The following NELL1 variants were observed in gnomAD, a reference collection of about 807,000 sequenced individuals.
NELL1 encodes neural EGFL like 1.
In NELL1, 76 loss-of-function variants were observed where a neutral mutation model predicts 107.4. The observed-to-expected ratio is 0.71, with a 90% CI of 0.59 to 0.86. NELL1 has a LOEUF of 0.86. Among genes scored for constraint, NELL1 ranks in the 40% least tolerant of loss-of-function variants. The pLI is 0.00. For missense variants in NELL1, 1,024 were observed against 1,005.5 expected, an observed-to-expected ratio of 1.02 and a Z score of -0.25; for synonymous variants, 353 against 341.2, an observed-to-expected ratio of 1.03 and a Z score of -0.38.
chr11:21,390,797 T>A (rs1474266659), intron 15 of NELL1, among the ~76,000 whole-genome samples: 6 of 151,890 alleles, frequency 4.0e-5, no homozygotes, highest in African/African-American at 1.4e-4. Context: ...GTCCTCCCAA[T>A]ACATTTACAT....
At position 20,838,824 on chromosome 11, in the gene NELL1, A is replaced by G. The variant is rs192263954; in HGVS notation, c.336-8759A>G. On this transcript the variant is annotated intron_variant, in intron 3 of 19. Coordinates refer to ENST00000357134, the MANE Select transcript of NELL1 (RefSeq NM_006157.5). ...TACAATTACCATTACCACTACAACT[A>G]CAACCACCACTATATATTTAGTGCC... 4.1e-3 allele frequency among the ~76,000 whole-genome samples: 627 copies of G among 152,228 alleles called. 4 individuals carry two copies. The highest frequency in any genetic ancestry group is 0.015 in the African/African-American group (604 of 41,548).
intron 12 of NELL1, among the ~76,000 whole-genome samples, chr11:21,093,050 A>G (rs184615973): frequency 5.9e-5 from 9 of 152,282 alleles, no homozygotes; most frequent in African/African-American, 1.9e-4. Flanking sequence ...GTGGAGAGCT[A>G]CTGAATGTTT....
chr11:21,520,812 C>T (rs1212867915), intron 15 of NELL1, among the ~76,000 whole-genome samples: 1 of 152,214 alleles, frequency 6.6e-6, no homozygotes, highest in South Asian at 2.1e-4. Flanking sequence ...GATCTGTATT[C>T]CCTGACCACT....
chr11:21,315,231 A>C (rs1473870533), intron 14 of NELL1, among the ~76,000 whole-genome samples: 1 of 152,212 alleles, frequency 6.6e-6, no homozygotes, highest in African/African-American at 2.4e-5. Flanking sequence ...AAACAGGTGG[A>C]AAAGTCAGAA....
At chr11:20,686,339 G>T (rs551853246) in intron 2 of NELL1, among the ~76,000 whole-genome samples, 1 of 152,194 alleles carries the variant, frequency 6.6e-6, no homozygotes, top group East Asian at 1.9e-4. Context: ...TGCTGTCTTT[G>T]TAGAGCACAA....
At chr11:21,314,976 C>A (rs1369584516) in intron 14 of NELL1, among the ~76,000 whole-genome samples, 2 of 152,070 alleles carry the variant, frequency 1.3e-5, no homozygotes, top group Admixed American at 6.6e-5. Context: ...TCTGCCTCAG[C>A]CTCCCAAATA....
At chr11:20,919,153 C>CA (rs1174095357) in intron 6 of NELL1, 99 bp from the exon 7 acceptor site, 3 of 613,994 alleles carry the variant, frequency 4.9e-6, no homozygotes, top group Admixed American at 3.9e-5. Context: ...AAAAAAACCC[C>CA]AAAAACTCTT....
At position 20,669,722 on chromosome 11, in the gene NELL1, C is replaced by A. The variant is rs781594569; in HGVS notation, c.-2C>A. The A allele has an allele frequency of 6.2e-7, 1 of 1,613,020 alleles. No individual in the cohort carries two copies. ...CCTGCTAGGCGGGGACCCTCGAGAG[C>A]GATGCCGATGGATTTGATTTTAGTT... On this transcript the variant is annotated 5_prime_UTR_variant, in exon 1 of 20. Transcript: ENST00000357134. The surrounding 1 kb of genome is among the most constrained non-coding windows in gnomAD (Gnocchi z 4.4).
intron 12 of NELL1, among the ~76,000 whole-genome samples, chr11:20,961,736 G>A (rs1291611965): frequency 6.6e-6 from 1 of 152,060 alleles, no homozygotes; most frequent in African/African-American, 2.4e-5. Flanking sequence ...TGCCTATATG[G>A]GAGAGCCATC....
chr11:20,676,257 C>T (rs893880459), intron 1 of NELL1, among the ~76,000 whole-genome samples: 1 of 150,076 alleles, frequency 6.7e-6, no homozygotes, highest in African/African-American at 2.5e-5. Context: ...TAGGACCCCC[C>T]CATCCAAGTT....
chr11:21,065,603 C>G (rs970523256), intron 12 of NELL1, among the ~76,000 whole-genome samples: 2 of 152,138 alleles, frequency 1.3e-5, no homozygotes, highest in African/African-American at 4.8e-5. Context: ...GCGTTGCATT[C>G]AAAGAGAACT....
intron 2 of NELL1, among the ~76,000 whole-genome samples, chr11:20,771,062 A>G (rs868661155): frequency 3.2e-4 from 49 of 151,568 alleles, no homozygotes; most frequent in African/African-American, 1.1e-3. Flanking sequence ...GAAATTACAT[A>G]TTTGAAGCTT....
At chr11:20,915,982 T>A (rs1466529454) in intron 5 of NELL1, among the ~76,000 whole-genome samples, 1 of 151,650 alleles carries the variant, frequency 6.6e-6, no homozygotes, top group Non-Finnish European at 1.5e-5. Context: ...ATCTTTAGAT[T>A]ATAAGTGGTA....
chr11:21,066,301 G>A (rs766516832), intron 12 of NELL1, among the ~76,000 whole-genome samples: 5 of 152,080 alleles, frequency 3.3e-5, no homozygotes, highest in Non-Finnish European at 5.9e-5. Flanking sequence ...CCTTCCTCAC[G>A]TGATCATCTC....
chr11:21,017,808 C>T (rs549735664), intron 12 of NELL1, among the ~76,000 whole-genome samples: 16 of 152,144 alleles, frequency 1.1e-4, no homozygotes, highest in East Asian at 1.9e-4. Flanking sequence ...CTTCTTATCA[C>T]GAGGAGCTCC....
At chr11:20,978,433 TG>T (rs1287059449) in intron 12 of NELL1, among the ~76,000 whole-genome samples, 2 of 147,136 alleles carry the variant, frequency 1.4e-5, no homozygotes, top group African/African-American at 2.5e-5. Context: ...TTTGTCTTCA[TG>T]AAAAAAAAAG....
chr11:21,494,526 A>C (rs1414704644), intron 15 of NELL1, among the ~76,000 whole-genome samples: 1 of 151,982 alleles, frequency 6.6e-6, no homozygotes, highest in African/African-American at 2.4e-5. Context: ...AATATGTTAT[A>C]ATACATTTTA....
intron 5 of NELL1, among the ~76,000 whole-genome samples, chr11:20,898,756 CTTTA>C (rs963695814): frequency 2.6e-5 from 4 of 151,256 alleles, no homozygotes; most frequent in African/African-American, 4.9e-5. Flanking sequence ...ATCACATTTT[CTTTA>C]TTCATTCATT....
chr11:20,929,233 G>C (rs542107879), intron 9 of NELL1, among the ~76,000 whole-genome samples: 1 of 152,250 alleles, frequency 6.6e-6, no homozygotes, highest in African/African-American at 2.4e-5. Context: ...GGTCAGAAAT[G>C]TGTGCTATGG....
Sources: allele counts gnomAD v4.1 joint callset (sites outside exome capture counted in the v4.1 genomes callset), GRCh38; gene constraint gnomAD v4.1.1; non-coding constraint Gnocchi (gnomAD v3.1); transcripts MANE v1.5; gene names NCBI Gene and HGNC (gene_info 2026-07-23, HGNC 2026-07-21).